The following MRTFB variants were observed in gnomAD, a reference collection of about 807,000 sequenced individuals.
The protein encoded by MRTFB is myocardin related transcription factor B.
In MRTFB, 29 loss-of-function variants were observed where a neutral mutation model predicts 104.2. That is an observed-to-expected ratio of 0.28 (90% CI 0.21 to 0.38). The LOEUF (loss-of-function observed/expected upper bound fraction) is 0.38. Ranked by LOEUF, MRTFB falls within the 10% of genes least tolerant of loss-of-function variation. MRTFB has a pLI of 1.00. For missense variants in MRTFB, 1,270 were observed against 1,341.6 expected (o/e 0.95, Z 0.83); for synonymous variants, 535 against 519.5 (o/e 1.03, Z -0.41).
At chr16:14,236,042 C>A (rs2042487256) in intron 9 of MRTFB, among the ~76,000 whole-genome samples, 1 of 152,104 alleles carries the variant, frequency 6.6e-6, no homozygotes. Flanking sequence ...ATTAGTTGGG[C>A]ATGGTGGCAC....
At chr16:14,046,501 G>C in the MRTFB span, among the ~76,000 whole-genome samples, 1 of 151,916 alleles carries the variant, frequency 6.6e-6, no homozygotes, top group Non-Finnish European at 1.5e-5. Flanking sequence ...TTCTTCCCAC[G>C]GTGCACAACA....
At chr16:14,174,758 G>A (rs967611930) in intron 3 of MRTFB, among the ~76,000 whole-genome samples, 3 of 151,826 alleles carry the variant, frequency 2.0e-5, no homozygotes, top group Admixed American at 6.6e-5. Context: ...TTCTGTTTTC[G>A]GGATCACCAC....
chr16:14,231,772 G>T (rs2042279196), intron 8 of MRTFB, among the ~76,000 whole-genome samples: 1 of 152,164 alleles, frequency 6.6e-6, no homozygotes, highest in Non-Finnish European at 1.5e-5. Flanking sequence ...TAGCCACTAG[G>T]AGCCTGACCC....
At chr16:14,086,071 A>C (rs962484060) in intron 2 of MRTFB, among the ~76,000 whole-genome samples, 4 of 152,228 alleles carry the variant, frequency 2.6e-5, no homozygotes, top group African/African-American at 9.6e-5. Context: ...ATGTCCCAAA[A>C]TATATTTTTA....
chr16:14,031,262 A>G, the MRTFB span, among the ~76,000 whole-genome samples: 2 of 152,024 alleles, frequency 1.3e-5, no homozygotes, highest in South Asian at 2.1e-4. Context: ...ATGATGGCAC[A>G]TGTCTGTAGT....
At chr16:14,143,335 G>A (rs891554097) in intron 3 of MRTFB, 1 of 151,730 alleles carries the variant, frequency 6.6e-6, no homozygotes. Context: ...GGTTTAATAC[G>A]TTTTCTTCAA....
the MRTFB span, among the ~76,000 whole-genome samples, chr16:13,995,297 C>CTGTTT: frequency 6.6e-6 from 1 of 152,088 alleles, no homozygotes; most frequent in Non-Finnish European, 1.5e-5. Context: ...TCCTGAGATG[C>CTGTTT]TGTTTTGTTT....
intron 2 of MRTFB, among the ~76,000 whole-genome samples, chr16:14,109,339 A>G (rs765659164): frequency 5.3e-5 from 8 of 152,216 alleles, no homozygotes; most frequent in Non-Finnish European, 1.0e-4. Flanking sequence ...CCACTAAGCA[A>G]ACGGATGTAC....
intron 3 of MRTFB, among the ~76,000 whole-genome samples, chr16:14,166,873 G>A (rs1303289520): frequency 6.6e-6 from 1 of 152,130 alleles, no homozygotes; most frequent in Non-Finnish European, 1.5e-5. Context: ...GTATTCCATG[G>A]TGTGTATGTA....
chr16:14,151,302 C>T (rs1006823276), intron 3 of MRTFB: 5 of 152,146 alleles, frequency 3.3e-5, no homozygotes, highest in African/African-American at 9.7e-5. Context: ...ATATTTTATA[C>T]ATTCACAACA....
At chr16:14,250,669 A>C (rs1255888486) in intron 13 of MRTFB, among the ~76,000 whole-genome samples, 2 of 152,262 alleles carry the variant, frequency 1.3e-5, no homozygotes, top group Non-Finnish European at 2.9e-5. Flanking sequence ...GGTTTTACCC[A>C]AATCAGGAGA....
At chr16:14,221,000 A>C in intron 8 of MRTFB, among the ~76,000 whole-genome samples, 1 of 152,316 alleles carries the variant, frequency 6.6e-6, no homozygotes, top group African/African-American at 2.4e-5. Flanking sequence ...GAATCTGACA[A>C]AGATTCTTAT....
intron 2 of MRTFB, among the ~76,000 whole-genome samples, chr16:14,104,444 T>A (rs763756316): frequency 6.6e-6 from 1 of 152,240 alleles, no homozygotes; most frequent in Non-Finnish European, 1.5e-5. Context: ...AGTAGACTGA[T>A]GCCTGTACAT....
chr16:14,006,209 G>T, the MRTFB span, among the ~76,000 whole-genome samples: 1 of 152,192 alleles, frequency 6.6e-6, no homozygotes, highest in Admixed American at 6.5e-5. Context: ...TGGGCGTGGT[G>T]GCGCATGCCT....
chr16:14,203,766 T>C (rs2040818046), intron 3 of MRTFB, among the ~76,000 whole-genome samples: 1 of 129,846 alleles, frequency 7.7e-6, no homozygotes, highest in African/African-American at 3.1e-5. Context: ...ATCAGACCAC[T>C]GCACTCCAGC....
chr16:14,059,438 G>A, the MRTFB span, among the ~76,000 whole-genome samples: 1,459 of 152,208 alleles, frequency 9.6e-3, 16 homozygotes, highest in Non-Finnish European at 0.016. Context: ...GCTGAGCTGA[G>A]TATTCAGGTG....
the MRTFB span, among the ~76,000 whole-genome samples, chr16:13,998,484 A>G: frequency 0.29 from 43,452 of 151,858 alleles, 7,399 homozygotes; most frequent in Non-Finnish European, 0.38. Context: ...CCCTCTACAA[A>G]AATTTTTAAA....
the MRTFB span, among the ~76,000 whole-genome samples, chr16:14,061,566 C>CTTTTTTTTTTTTTTTTTTTTTTTTT: frequency 9.7e-6 from 1 of 102,630 alleles, no homozygotes; most frequent in Non-Finnish European, 2.0e-5. Flanking sequence ...TCAAGGTCAT[C>CTTTTTTTTTTTTTTTTTTTTTTTTT]TTTTTTTTTT....
chr16:14,190,085 A>G (rs2040109431), intron 3 of MRTFB, among the ~76,000 whole-genome samples: 2 of 152,242 alleles, frequency 1.3e-5, no homozygotes, highest in South Asian at 2.1e-4. Context: ...ATAATAAAGC[A>G]TATCATCTCA....
Sources: gnomAD v4.1 joint callset for allele counts (sites outside exome capture counted in the v4.1 genomes callset) on GRCh38, gnomAD v4.1.1 for gene constraint, MANE v1.5 for transcripts, NCBI Gene and HGNC (gene_info 2026-07-23, HGNC 2026-07-21) for gene names.